Variants in TSNAXIP1 observed in about 807,000 individuals in gnomAD.
The protein encoded by TSNAXIP1 is translin associated factor X interacting protein 1, also known as translin-associated factor X-interacting protein 1.
A neutral mutation model predicts 84.8 loss-of-function variants in TSNAXIP1; 89 were observed. The ratio of observed to expected loss-of-function variants is 1.05; its 90% confidence interval spans 0.88 to 1.25. The LOEUF is 1.25. TSNAXIP1 is among the 50% of genes most tolerant of loss of function. TSNAXIP1 has a pLI of 0.00. For synonymous variants in TSNAXIP1, 347 were observed against 335.2 expected (o/e 1.04, Z -0.39); for missense variants, 874 against 887.6 (o/e 0.98, Z 0.20).
rs149545487 is a variant in TSNAXIP1 at position 67,813,658 on chromosome 16, C to T, written c.48-644C>T. On this transcript the variant is annotated intron_variant, in intron 1 of 15. Coordinates refer to ENST00000561639, the MANE Select transcript of TSNAXIP1 (RefSeq NM_001288990.3). ...TGAGGCAGAGAATTGCTTGAACCCG[C>T]GAGATGGAGGTTGCAGTGAGCCAAG... Among the ~76,000 whole-genome samples the T allele has an allele frequency of 6.5e-3, 890 of 136,198 alleles. 6 individuals carry two copies. Among genetic ancestry groups the T allele is most frequent in the African/African-American group, 0.023 (822 of 35,872 alleles). 89.4% of individuals were successfully genotyped at this position (136,198 alleles called of 152,430 possible).
At chr16:67,820,143 A>T (rs2056922601) in intron 2 of TSNAXIP1, among the ~76,000 whole-genome samples, 1 of 150,142 alleles carries the variant, frequency 6.7e-6, no homozygotes, top group African/African-American at 2.5e-5. Context: ...TTTTTAGTAG[A>T]GACGGGGTTT....
chr16:67,807,076 C>A lies in TSNAXIP1; in HGVS notation c.-74C>A. ...CGCGGGGGGGCCTCTGGGGCCTGGT[C>A]GCCATGGCGACCGGCTGTACGCTAC... On this transcript the variant is annotated 5_prime_UTR_variant, in exon 1 of 16. Coordinates refer to ENST00000561639, the MANE Select transcript of TSNAXIP1 (RefSeq NM_001288990.3). The A allele has an allele frequency of 1.3e-6, 2 of 1,515,672 alleles. No individual in the cohort carries two copies. The highest frequency in any genetic ancestry group is 2.4e-5 in the South Asian group (2 of 83,074). 93.9% of individuals were successfully genotyped at this position (1,515,672 alleles called of 1,614,324 possible).
rs575312435 is a variant in TSNAXIP1, at chr16:67,817,915, T to A, written c.148-2924T>A. 3.5e-3 allele frequency among the ~76,000 whole-genome samples: 474 copies of A among 137,334 alleles called. 2 individuals carry two copies. Among genetic ancestry groups the A allele is most frequent in the African/African-American group, 0.012 (452 of 36,412 alleles). The allele number at this position is 137,334 out of a possible 152,430, so 90.1% of individuals were successfully genotyped here. ...TAAATGAATAAATAAAAACAAATAA[T>A]AAAAAATAGTCTGGGCCGGGCGCAG... On this transcript the variant is annotated intron_variant, in intron 2 of 15. Transcript: ENST00000561639.
intron 2 of TSNAXIP1, among the ~76,000 whole-genome samples, chr16:67,815,460 C>T (rs530964398): frequency 6.6e-6 from 1 of 152,046 alleles, no homozygotes; most frequent in Admixed American, 6.6e-5. Context: ...CTCACCCTCC[C>T]AAGTAGCTGG....
chr16:67,827,484 C>T lies in TSNAXIP1; in HGVS notation c.1803C>T (p.Gly601=). ...YRSLFMEDEE[G]QSEPFVQKLW... ...GTGGCCCCTCCCAGGATGAGGAGGG[C>T]CAGAGTGAGCCCTTTGTGCAAAAAC... Residue 601 remains glycine, a synonymous_variant, in exon 15 of 16, where the codon GGC becomes GGT. Coordinates refer to ENST00000561639, the MANE Select transcript of TSNAXIP1 (RefSeq NM_001288990.3). 1 of 1,614,134 alleles carries T rather than the reference C, an allele frequency of 6.2e-7. No homozygotes were observed. The highest frequency in any genetic ancestry group is 8.5e-7 in the Non-Finnish European group (1 of 1,180,000).
intron 2 of TSNAXIP1, among the ~76,000 whole-genome samples, chr16:67,818,744 C>A (rs1044743584): frequency 1.3e-5 from 2 of 150,496 alleles, no homozygotes; most frequent in Non-Finnish European, 3.0e-5. Flanking sequence ...CTCTCTGTCG[C>A]CCAGACTGGA....
Position 67,826,198 on chromosome 16 carries a change from C to G in TSNAXIP1, c.1191C>G (p.Gly397=), listed in dbSNP as rs1194491587. ...AGCGCTGGCAGATGCTGGCTGAGGG[C>G]AAGAACAGCGACCAGCTGGTGGACG... is the stretch of plus-strand genomic sequence containing the variant. ...GPERWQMLAE[G]KNSDQLVDVL... The change falls in exon 10 of 16, where the codon GGC becomes GGG. Residue 397 remains glycine (G), a synonymous_variant. Coordinates refer to ENST00000561639, the MANE Select transcript of TSNAXIP1 (RefSeq NM_001288990.3). 2.5e-6 allele frequency: 4 copies of G among 1,610,690 alleles called. No homozygotes were observed. Among genetic ancestry groups the G allele is most frequent in the Non-Finnish European group, 3.4e-6 (4 of 1,177,766 alleles).
intron 1 of TSNAXIP1, chr16:67,807,459 C>A: frequency 7.8e-7 from 1 of 1,276,884 alleles, no homozygotes; most frequent in Non-Finnish European, 1.0e-6. Context: ...CTTTATATAC[C>A]ACATTTTTAA....
At chr16:67,808,899 G>C (rs1009736521) in intron 1 of TSNAXIP1, among the ~76,000 whole-genome samples, 1 of 151,864 alleles carries the variant, frequency 6.6e-6, no homozygotes, top group Non-Finnish European at 1.5e-5. Flanking sequence ...TAAGAAAGAA[G>C]CACAGGGCTG....
chr16:67,821,270 G>GT, intron 4 of TSNAXIP1, 45 bp downstream of exon 4: 63 of 874,214 alleles, frequency 7.2e-5, no homozygotes, highest in Non-Finnish European at 9.3e-5. Flanking sequence ...GGAAGGGTGG[G>GT]AAGAAGCTTC....
chr16:67,820,457 T>C (rs999836895), intron 2 of TSNAXIP1, among the ~76,000 whole-genome samples: 9 of 151,864 alleles, frequency 5.9e-5, no homozygotes, highest in South Asian at 4.2e-4. Context: ...GTAAAACACA[T>C]CAGGGCTGGC....
At chr16:67,811,739 G>A (rs548144162) in intron 1 of TSNAXIP1, among the ~76,000 whole-genome samples, 8 of 151,948 alleles carry the variant, frequency 5.3e-5, no homozygotes, top group East Asian at 1.9e-4. Flanking sequence ...ACTGCACGGC[G>A]AATAATATAT....
intron 15 of TSNAXIP1, 34 bp from the exon 16 acceptor site, chr16:67,827,719 G>GT: frequency 6.2e-7 from 1 of 1,613,080 alleles, no homozygotes; most frequent in African/African-American, 1.3e-5. Flanking sequence ...GAGAGGAGGG[G>GT]TCAGGGCCTG....
intron 4 of TSNAXIP1, among the ~76,000 whole-genome samples, chr16:67,823,106 C>T (rs188707401): frequency 1.3e-5 from 2 of 152,316 alleles, no homozygotes; most frequent in Admixed American, 1.3e-4. Context: ...GTCCACTAGG[C>T]CTCAGAGACA....
rs141730733 is a variant in TSNAXIP1 at position 67,823,529 on chromosome 16, C to T, written c.388-97C>T. 6.6e-4 allele frequency: 609 copies of T among 925,726 alleles called. 5 individuals are homozygous for T. In the African/African-American group the frequency reaches 9.1e-3, roughly 14 times the overall value. 57.3% of individuals were successfully genotyped at this position (925,726 alleles called of 1,614,324 possible). On this transcript the variant is annotated intron_variant, in intron 4 of 15. Coordinates refer to ENST00000561639, the MANE Select transcript of TSNAXIP1 (RefSeq NM_001288990.3). The stretch of plus-strand genomic sequence containing the variant: ...CAGCACTCCAGCCTGGGTGATGGAG[C>T]GACACTCCGTCTCAGGAAAAAAGAA...
chr16:67,811,413 CAG>C (rs1041622448), intron 1 of TSNAXIP1, among the ~76,000 whole-genome samples: 3 of 147,526 alleles, frequency 2.0e-5, no homozygotes, highest in African/African-American at 7.6e-5. Context: ...TGAGCAAGAA[CAG>C]AGTTTGGAGA....
chr16:67,824,756 GAGA>G lies in TSNAXIP1; in HGVS notation c.659_661del (p.Lys220del), dbSNP rs752131702. ...AAAACTCATCGACAAAAAGAATGAG[GAGA>G]AGATTTCATTGCAGAGCGAGGTGAA... On this transcript the variant is annotated inframe_deletion, in exon 6 of 16. Coordinates refer to ENST00000561639, the MANE Select transcript of TSNAXIP1 (RefSeq NM_001288990.3). 381 of 1,613,858 alleles carry G rather than the reference GAGA, an allele frequency of 2.4e-4. 1 individual carries two copies. The highest frequency in any genetic ancestry group is 2.8e-4 in the Non-Finnish European group (331 of 1,179,914).
At chr16:67,811,124 G>A (rs1348312892) in intron 1 of TSNAXIP1, among the ~76,000 whole-genome samples, 3 of 152,058 alleles carry the variant, frequency 2.0e-5, no homozygotes, top group Admixed American at 6.6e-5. Context: ...GCGCCCGGCC[G>A]ATCTCCTGAC....
chr16:67,814,196 GC>G, intron 1 of TSNAXIP1, 105 bp from the exon 2 acceptor site: 1 of 899,912 alleles, frequency 1.1e-6, no homozygotes. Context: ...AGCACCCAGA[GC>G]CTGGCTCAGG....
Sources: allele counts gnomAD v4.1 joint callset (sites outside exome capture counted in the v4.1 genomes callset), GRCh38; gene constraint gnomAD v4.1.1; transcripts MANE v1.5; gene names NCBI Gene and HGNC (gene_info 2026-07-23, HGNC 2026-07-21).